The following RPGRIP1L variants were observed in gnomAD, a reference collection of about 807,000 sequenced individuals.
RPGRIP1L encodes protein fantom.
Under a neutral mutation model 160.4 loss-of-function variants are expected in RPGRIP1L, and 131 were observed. The ratio of observed to expected loss-of-function variants is 0.82; its 90% CI spans 0.71 to 0.94. The LOEUF is 0.94. Ranked by LOEUF, RPGRIP1L falls within the 40% of genes least tolerant of loss-of-function variation. The pLI is 0.00. For synonymous variants in RPGRIP1L, 510 were observed against 515.8 expected (o/e 0.99, Z 0.15); for missense variants, 1,522 against 1,535.8 (o/e 0.99, Z 0.15).
chr16:53,700,806 A>G, intron 1 of RPGRIP1L, 76 bp from the exon 2 acceptor site: 3 of 1,131,982 alleles, frequency 2.7e-6, no homozygotes, highest in Non-Finnish European at 4.0e-6. Flanking sequence ...AACCAAATAA[A>G]ACGAAAAAGG....
chr16:53,634,844 C>G (rs1965737512), intron 22 of RPGRIP1L, among the ~76,000 whole-genome samples: 1 of 152,148 alleles, frequency 6.6e-6, no homozygotes, highest in Non-Finnish European at 1.5e-5. Flanking sequence ...TCAGGTATAC[C>G]TTTATAGTAA....
At chr16:53,683,487 T>G (rs961442779) in intron 6 of RPGRIP1L, among the ~76,000 whole-genome samples, 3 of 152,096 alleles carry the variant, frequency 2.0e-5, no homozygotes, top group Non-Finnish European at 4.4e-5. Flanking sequence ...GGTAGGTATG[T>G]TTTTAAAAAT....
intron 22 of RPGRIP1L, among the ~76,000 whole-genome samples, chr16:53,627,244 G>A (rs1448269067): frequency 1.3e-5 from 2 of 152,106 alleles, no homozygotes; most frequent in Non-Finnish European, 2.9e-5. Flanking sequence ...ATTGAGAATG[G>A]CCTATGATAA....
At chr16:53,670,385 T>C (rs1359439313) in intron 9 of RPGRIP1L, among the ~76,000 whole-genome samples, 1 of 152,206 alleles carries the variant, frequency 6.6e-6, no homozygotes, top group Non-Finnish European at 1.5e-5. Flanking sequence ...ATATCAGCTA[T>C]AACATATGTA....
intron 22 of RPGRIP1L, among the ~76,000 whole-genome samples, chr16:53,624,749 GTCCCTCCCCC>G (rs1964966199): frequency 6.6e-6 from 1 of 151,106 alleles, no homozygotes; most frequent in South Asian, 2.1e-4. Context: ...GAAAATGGGA[GTCCCTCCCCC>G]TCCCCCTCCC....
chr16:53,678,172 T>A (rs1969330091), intron 6 of RPGRIP1L, among the ~76,000 whole-genome samples: 1 of 151,982 alleles, frequency 6.6e-6, no homozygotes, highest in South Asian at 2.1e-4. Context: ...TTTTAAATTA[T>A]GATCAAATCT....
At chr16:53,632,260 A>T (rs1965566373) in intron 22 of RPGRIP1L, among the ~76,000 whole-genome samples, 1 of 152,228 alleles carries the variant, frequency 6.6e-6, no homozygotes, top group Non-Finnish European at 1.5e-5. Flanking sequence ...TCAAATTCAC[A>T]GTGTAACTGG....
chr16:53,624,802 G>A (rs554496558), intron 22 of RPGRIP1L, among the ~76,000 whole-genome samples: 570 of 109,214 alleles, frequency 5.2e-3, no homozygotes, highest in African/African-American at 0.019. Flanking sequence ...TGCTTTCCAC[G>A]GTCTCCCTCT....
Position 53,692,114 on chromosome 16 carries a change from G to A in RPGRIP1L, c.481C>T (p.Arg161Cys), listed in dbSNP as rs374860980. The A allele has an allele frequency of 3.6e-5, 58 of 1,613,574 alleles. No individual in the cohort carries two copies. In the African/African-American group the frequency reaches 4.3e-4, roughly 12 times the overall value. ...NNVQSRINTG[R>C]RKANENAGLQ... is the part of the protein sequence containing the mutation. ...CCAGCATTTTCATTTGCTTTTCTAC[G>A]CCCAGTGTTAATACGAGATTGTACA... Residue 161 changes from arginine (R) to cysteine (C), a missense_variant, in exon 4 of 27, where the codon CGT becomes TGT. Transcript: ENST00000647211.
chr16:53,637,688 A>C lies in RPGRIP1L; in HGVS notation c.3220+7T>G. ...CTAAACAATGTTAGTTTAAATAAGA[A>C]AGTCACCTTCTGGTTCCAAGTCCTC... On this transcript the variant is annotated splice_region_variant and intron_variant, in intron 21 of 26. Transcript: ENST00000647211. 1 of 1,606,048 alleles carries C rather than the reference A, an allele frequency of 6.2e-7. No individual in the cohort carries two copies. Among genetic ancestry groups the C allele is most frequent in the African/African-American group, 1.3e-5 (1 of 74,994 alleles).
rs942707307 is a variant in RPGRIP1L, at chr16:53,599,844, T to C, written c.*2232A>G. 6.6e-6 allele frequency: 1 copy of C among 152,228 alleles called. No homozygotes were observed. The highest frequency in any genetic ancestry group is 1.5e-5 in the Non-Finnish European group (1 of 68,040). The allele number at this position is 152,228 out of a possible 1,614,324, so 9.4% of individuals were successfully genotyped here. A position where few individuals can be genotyped will look rare whatever the true frequency, so the allele number is the denominator to read the frequency against. On this transcript the variant is annotated 3_prime_UTR_variant, in exon 27 of 27. Coordinates refer to ENST00000647211, the MANE Select transcript of RPGRIP1L (RefSeq NM_015272.5). Reference sequence around the variant, plus strand: ...AATACTACCTCGCCACTTCAAAATGTGTCAGCAGCAATTAGCTATGAAAAT... The same window carrying C: ...AATACTACCTCGCCACTTCAAAATGCGTCAGCAGCAATTAGCTATGAAAAT...
chr16:53,680,805 G>T (rs1969549140), intron 6 of RPGRIP1L, among the ~76,000 whole-genome samples: 1 of 151,966 alleles, frequency 6.6e-6, no homozygotes, highest in Non-Finnish European at 1.5e-5. Context: ...GAAGAGAAGG[G>T]AAGTGAGGAA....
chr16:53,628,439 T>A (rs755807858), intron 22 of RPGRIP1L: 1 of 152,130 alleles, frequency 6.6e-6, no homozygotes, highest in Non-Finnish European at 1.5e-5. Flanking sequence ...GGCAGAGACA[T>A]CCTCTCAAAG....
intron 24 of RPGRIP1L, among the ~76,000 whole-genome samples, chr16:53,613,516 T>A (rs1964181815): frequency 6.6e-6 from 1 of 152,084 alleles, no homozygotes; most frequent in Admixed American, 6.5e-5. Flanking sequence ...GGAGTCTCAC[T>A]ATGTTGCCCA....
intron 1 of RPGRIP1L, among the ~76,000 whole-genome samples, chr16:53,702,114 G>A (rs1007347091): frequency 1.3e-5 from 2 of 152,112 alleles, no homozygotes; most frequent in Non-Finnish European, 2.9e-5. Context: ...TTCATTGAAC[G>A]CTTACTATGT....
At chr16:53,612,148 G>A (rs1947742724) in intron 24 of RPGRIP1L, among the ~76,000 whole-genome samples, 1 of 152,160 alleles carries the variant, frequency 6.6e-6, no homozygotes, top group Non-Finnish European at 1.5e-5. Flanking sequence ...AGACATAAAG[G>A]TGGCGGGAGA....
intron 3 of RPGRIP1L, among the ~76,000 whole-genome samples, chr16:53,692,930 A>G (rs1052149354): frequency 3.9e-5 from 6 of 152,242 alleles, no homozygotes; most frequent in African/African-American, 1.2e-4. Flanking sequence ...AGTGCTCAAG[A>G]AACACTTGTG....
At chr16:53,606,498 T>C (rs1045030952) in intron 25 of RPGRIP1L, among the ~76,000 whole-genome samples, 5 of 152,208 alleles carry the variant, frequency 3.3e-5, no homozygotes, top group African/African-American at 1.2e-4. Context: ...TAAAATCCTT[T>C]CCAAATGCTT....
intron 2 of RPGRIP1L, among the ~76,000 whole-genome samples, chr16:53,698,794 C>T (rs1001991562): frequency 8.6e-5 from 13 of 151,298 alleles, no homozygotes; most frequent in African/African-American, 2.7e-4. Context: ...CCCGGCCAGC[C>T]GCCTCGTCCG....
Sources: allele counts gnomAD v4.1 joint callset (sites outside exome capture counted in the v4.1 genomes callset), GRCh38; gene constraint gnomAD v4.1.1; transcripts MANE v1.5; gene names NCBI Gene and HGNC (gene_info 2026-07-23, HGNC 2026-07-21).